The following EYA3 variants were observed in gnomAD, a reference collection of about 807,000 sequenced individuals.
EYA3 encodes the protein protein phosphatase EYA3.
A neutral mutation model predicts 80.0 loss-of-function variants in EYA3; 39 were observed. The observed-to-expected ratio is 0.49, with a 90% CI of 0.38 to 0.64. The LOEUF is 0.64. Among genes scored for constraint, EYA3 ranks in the 30% least tolerant of loss-of-function variants. The pLI is 0.00. For synonymous variants in EYA3, 206 were observed against 232.8 expected (o/e 0.88, Z 1.05); for missense variants, 523 against 676.1 (o/e 0.77, Z 2.51).
Position 28,058,060 on chromosome 1 carries a change from C to A in EYA3, c.-34G>T. ...ATATTTCTTTATTATACTTATGTGA[C>A]TGGATTGCAAGTCTCTCTCAGCAGT... On this transcript the variant is annotated 5_prime_UTR_variant, in exon 2 of 18. Transcript: ENST00000373871. 6.5e-7 allele frequency: 1 copy of A among 1,543,588 alleles called. No homozygotes were observed. The highest frequency in any genetic ancestry group is 8.8e-7 in the Non-Finnish European group (1 of 1,139,176).
At position 28,017,185 on chromosome 1, in the gene EYA3, G is replaced by A; in HGVS notation, c.554C>T (p.Pro185Leu). 1 of 1,613,848 alleles carries A rather than the reference G, an allele frequency of 6.2e-7. No homozygotes were observed. The highest frequency in any genetic ancestry group is 8.5e-7 in the Non-Finnish European group (1 of 1,179,810). Residue 185 changes from proline to leucine, a missense_variant, in exon 8 of 18, where the codon CCA becomes CTA. Pro to Leu is a moderately conservative substitution (Grantham distance 98, BLOSUM62 -3). Transcript: ENST00000373871. ...TGAGATGCTGGCTACTGCTGCTGCT[G>A]GAATATTGGCAATTGTAGAAGAAGT... is the stretch of plus-strand genomic sequence containing the variant. Reference protein sequence around the residue: ...ISTSSTIANIPAAAVASISNQ... With the variant: ...ISTSSTIANILAAAVASISNQ...
At chr1:28,072,819 GA>G in intron 1 of EYA3, among the ~76,000 whole-genome samples, 1 of 151,870 alleles carries the variant, frequency 6.6e-6, no homozygotes, top group Non-Finnish European at 1.5e-5. Flanking sequence ...CCAAAGACTG[GA>G]AACAACTCAA....
At chr1:28,000,198 T>C (rs1640728652) in intron 11 of EYA3, 149 bp from the exon 12 acceptor site, 1 of 511,406 alleles carries the variant, frequency 2.0e-6, no homozygotes, top group African/African-American at 2.0e-5. Flanking sequence ...TCATTCACAG[T>C]TATGAGAATC....
intron 13 of EYA3, among the ~76,000 whole-genome samples, chr1:27,995,528 G>A (rs552059240): frequency 1.3e-5 from 2 of 151,390 alleles, no homozygotes; most frequent in South Asian, 4.2e-4. Flanking sequence ...CTTAAGCTCA[G>A]GAGTTCGAGA....
intron 7 of EYA3, among the ~76,000 whole-genome samples, chr1:28,019,796 G>A (rs1315335178): frequency 1.3e-5 from 2 of 152,002 alleles, no homozygotes; most frequent in African/African-American, 2.4e-5. Flanking sequence ...CCGCCTCCCG[G>A]GTTCAAGAAT....
At chr1:27,976,712 G>C (rs1314676768) in intron 17 of EYA3, among the ~76,000 whole-genome samples, 2 of 151,994 alleles carry the variant, frequency 1.3e-5, no homozygotes, top group African/African-American at 2.4e-5. Flanking sequence ...TTTCCAATTG[G>C]TATATACTTT....
chr1:28,060,898 C>A (rs1300038930), intron 1 of EYA3, among the ~76,000 whole-genome samples: 3 of 152,184 alleles, frequency 2.0e-5, no homozygotes, highest in African/African-American at 7.2e-5. Flanking sequence ...CCTGTAGTCC[C>A]AGCTCCTTGG....
Position 28,005,543 on chromosome 1 carries a change from GTC to G in EYA3, c.910-1126_910-1125del, listed in dbSNP as rs1358607593. On this transcript the variant is annotated intron_variant, in intron 10 of 17. Coordinates refer to ENST00000373871, the MANE Select transcript of EYA3 (RefSeq NM_001990.4). ...AGCCTGGACAACATGGCAAAACACC[GTC>G]TCTACAAAAAAACACAAAAATTACC... Among the ~76,000 whole-genome samples, 5 of 151,948 alleles carry G rather than the reference GTC, an allele frequency of 3.3e-5. No homozygotes were observed. The East Asian group carries it at 9.7e-4, about 29-fold the overall frequency.
chr1:28,083,506 C>T (rs562137067), intron 1 of EYA3, among the ~76,000 whole-genome samples: 3 of 150,582 alleles, frequency 2.0e-5, no homozygotes, highest in Admixed American at 6.6e-5. Flanking sequence ...GGCGACAGGG[C>T]AAGACTCCGT....
intron 1 of EYA3, among the ~76,000 whole-genome samples, chr1:28,064,937 T>A (rs1398036618): frequency 1.3e-5 from 2 of 152,194 alleles, no homozygotes; most frequent in African/African-American, 4.8e-5. Context: ...ATGTTGCAGG[T>A]TGAAGTGAAA....
At position 28,013,929 on chromosome 1, in the gene EYA3, G is replaced by T. The variant is rs1312026870; in HGVS notation, c.586-635C>A. 1.3e-5 allele frequency among the ~76,000 whole-genome samples: 2 copies of T among 152,114 alleles called. No homozygotes were observed. Among genetic ancestry groups the T allele is most frequent in the Non-Finnish European group, 2.9e-5 (2 of 68,022 alleles). Reference sequence around the variant, plus strand: ...AATACAAAAATTAGCCTGGCGTGGTGGCACATGCCTGAAATCCCAGCTACT... The same window carrying T: ...AATACAAAAATTAGCCTGGCGTGGTTGCACATGCCTGAAATCCCAGCTACT... On this transcript the variant is annotated intron_variant, in intron 8 of 17. Coordinates refer to ENST00000373871, the MANE Select transcript of EYA3 (RefSeq NM_001990.4). This position sits in a 1 kb window ranked among gnomAD's most constrained non-coding sequence, Gnocchi z 4.0.
intron 2 of EYA3, among the ~76,000 whole-genome samples, chr1:28,055,076 A>T (rs1410838294): frequency 6.6e-6 from 1 of 152,228 alleles, no homozygotes; most frequent in Non-Finnish European, 1.5e-5. Context: ...AACACTCAAC[A>T]TCTTTATTGA....
At chr1:28,072,583 A>G (rs994669926) in intron 1 of EYA3, among the ~76,000 whole-genome samples, 1 of 152,218 alleles carries the variant, frequency 6.6e-6, no homozygotes, top group Non-Finnish European at 1.5e-5. Context: ...GAACTCTACA[A>G]CTAGAACAAT....
chr1:28,047,086 C>T (rs537825301), intron 3 of EYA3, among the ~76,000 whole-genome samples: 215 of 151,828 alleles, frequency 1.4e-3, no homozygotes, highest in African/African-American at 4.8e-3. Context: ...TGAACTCAAG[C>T]GATCTGCCCA....
At chr1:27,988,485 A>G in intron 16 of EYA3, 50 bp downstream of exon 16, 1 of 1,600,160 alleles carries the variant, frequency 6.2e-7, no homozygotes, top group East Asian at 2.2e-5. Flanking sequence ...CATCATGAGT[A>G]GAAAGTTTTA....
chr1:28,084,578 TA>T (rs1557659508), intron 1 of EYA3, among the ~76,000 whole-genome samples: 9 of 14,880 alleles, frequency 6.0e-4, no homozygotes, highest in Non-Finnish European at 1.2e-3. Flanking sequence ...TATATATATA[TA>T]TATATATATA....
At chr1:28,016,483 C>G (rs1255875411) in intron 8 of EYA3, among the ~76,000 whole-genome samples, 2 of 148,760 alleles carry the variant, frequency 1.3e-5, no homozygotes, top group Non-Finnish European at 3.0e-5. Context: ...GAGCCAAGAT[C>G]GCACCACTGT....
intron 11 of EYA3, among the ~76,000 whole-genome samples, chr1:28,003,721 T>G (rs1303922286): frequency 2.0e-5 from 3 of 152,074 alleles, no homozygotes. Context: ...GTGCAGATAT[T>G]TGTATAAAAT....
intron 6 of EYA3, among the ~76,000 whole-genome samples, chr1:28,030,535 C>A (rs757109388): frequency 1.3e-5 from 2 of 152,200 alleles, no homozygotes; most frequent in Non-Finnish European, 2.9e-5. Context: ...GATCCTCCTG[C>A]CTTGACCTCC....
Sources: allele counts gnomAD v4.1 joint callset (sites outside exome capture counted in the v4.1 genomes callset), GRCh38; gene constraint gnomAD v4.1.1; non-coding constraint Gnocchi (gnomAD v3.1); transcripts MANE v1.5; gene names NCBI Gene and HGNC (gene_info 2026-07-23, HGNC 2026-07-21).